The following CDC25B variants were observed in gnomAD, a reference collection of about 807,000 sequenced individuals.
The protein encoded by CDC25B is M-phase inducer phosphatase 2.
CDC25B carries 33 observed loss-of-function variants against 69.8 expected under a neutral mutation model. The ratio of observed to expected loss-of-function variants is 0.47; its 90% confidence interval spans 0.36 to 0.63. CDC25B has a LOEUF of 0.63. Among genes scored for constraint, CDC25B ranks in the 30% least tolerant of loss-of-function variants. CDC25B has a pLI of 0.00. For synonymous variants in CDC25B, 341 were observed against 314.6 expected, an observed-to-expected ratio of 1.08 and a Z score of -0.89; for missense variants, 727 against 809.1, an observed-to-expected ratio of 0.90 and a Z score of 1.23.
At chr20:3,796,216 C>T, upstream of CDC25B, 2 of 1,251,790 alleles carry the variant, frequency 1.6e-6, no homozygotes, top group Non-Finnish European at 2.0e-6. Flanking sequence ...TCAGTCCCGC[C>T]CTCATCTAAC....
rs1196929438 is a variant in CDC25B at position 3,797,697 on chromosome 20, A to T, written c.276A>T (p.Arg92=). The T allele has an allele frequency of 2.5e-6, 4 of 1,613,890 alleles. No homozygotes were observed. The Admixed American group carries it at 5.0e-5, about 20-fold the overall frequency. ...RSRLTHLSLS[R]RASESSLSSE... ...GCCTGACGCACCTATCCCTGTCTCG[A>T]CGGGCATCCGAATCCTCCCTGTCGT... is the stretch of plus-strand genomic sequence containing the variant. Residue 92 remains arginine, a synonymous_variant, in exon 2 of 16, where the codon CGA becomes CGT. Coordinates refer to ENST00000245960, the MANE Select transcript of CDC25B (RefSeq NM_021873.4).
rs778404088 is a variant in CDC25B, at chr20:3,802,880, C to A, written c.1195-30C>A. 12 of 1,585,558 alleles carry A rather than the reference C, an allele frequency of 7.6e-6. No individual in the cohort carries two copies. In the Admixed American group the frequency reaches 8.3e-5, roughly 11 times the overall value. On this transcript the variant is annotated intron_variant, in intron 11 of 15. Transcript: ENST00000245960. ...TGGTCTTACCAATTTAACTTTCTCC[C>A]CTCTCCCTCATCCCTTCCGTTCCCT... is the stretch of plus-strand genomic sequence containing the variant.
intron 5 of CDC25B, 122 bp downstream of exon 5, chr20:3,800,620 G>A (rs1248731208): frequency 6.3e-7 from 1 of 1,584,816 alleles, no homozygotes; most frequent in Non-Finnish European, 8.6e-7. Flanking sequence ...TAGGAGATGG[G>A]GTTTCAGAGG....
chr20:3,786,959 G>A, exon 1 of CDC25B: 1 of 482,440 alleles, frequency 2.1e-6, no homozygotes, highest in Non-Finnish European at 3.6e-6. Context: ...GCGGGGACGC[G>A]GTGCATCGCT....
At position 3,804,946 on chromosome 20, in the gene CDC25B, G is replaced by A. The variant is rs1281414601; in HGVS notation, c.1728G>A (p.Arg576=). Residue 576 remains arginine, a synonymous_variant, in exon 16 of 16, where the codon CGG becomes CGA. Transcript: ENST00000245960. ...GERSRRELCS[R]LQDQ ...GGAGCCGGCGGGAGCTCTGTAGCCG[G>A]CTGCAGGACCAGTGAGGGGCCTGCG... 1.2e-6 allele frequency: 2 copies of A among 1,612,792 alleles called. No individual in the cohort carries two copies. Among genetic ancestry groups the A allele is most frequent in the Non-Finnish European group, 1.7e-6 (2 of 1,179,982 alleles).
chr20:3,796,120 A>C (rs1214168738), upstream of CDC25B: 1 of 1,036,924 alleles, frequency 9.6e-7, no homozygotes, highest in Non-Finnish European at 1.2e-6. Context: ...GGGATGTGCG[A>C]GGGTGTGGGA....
At chr20:3,796,293 A>T, upstream of CDC25B, 1 of 1,356,876 alleles carries the variant, frequency 7.4e-7, no homozygotes, top group African/African-American at 1.6e-5. Context: ...AAGGAGGTGG[A>T]AGTGGCAGCT....
At position 3,800,540 on chromosome 20, in the gene CDC25B, C is replaced by T. The variant is rs11570001; in HGVS notation, c.459+42C>T. The T allele has an allele frequency of 1.7e-4, 278 of 1,609,126 alleles. No homozygotes were observed. The Admixed American group carries it at 4.5e-3, about 26-fold the overall frequency. On this transcript the variant is annotated intron_variant, in intron 5 of 15. Coordinates refer to ENST00000245960, the MANE Select transcript of CDC25B (RefSeq NM_021873.4). ...CCTGACTGAGGCTTAGGCATGCTAG[C>T]CAGGCATGGGGTAGATGAGCAGGAT...
chr20:3,799,443 C>T (rs1341287835), intron 3 of CDC25B, among the ~76,000 whole-genome samples: 2 of 151,976 alleles, frequency 1.3e-5, no homozygotes, highest in Non-Finnish European at 2.9e-5. Context: ...TGGTTCCCTG[C>T]CCTGCACCTG....
At position 3,800,969 on chromosome 20, in the gene CDC25B, A is replaced by T. The variant is rs148769904; in HGVS notation, c.583-2A>T. 6.8e-6 allele frequency: 11 copies of T among 1,613,896 alleles called. No individual in the cohort carries two copies. The African/African-American group carries it at 1.3e-4, about 20-fold the overall frequency. On this transcript the variant is annotated splice_acceptor_variant, in intron 6 of 15. Transcript: ENST00000245960. LOFTEE classifies it high-confidence loss of function. ...GACCCTCCTCTCCCATCTTGGCTGC[A>T]GGATGGATTTGTCTTCAAGATGCCA...
At chr20:3,787,593 G>C (rs2088846637) in intron 1 of CDC25B, among the ~76,000 whole-genome samples, 1 of 152,156 alleles carries the variant, frequency 6.6e-6, no homozygotes, top group South Asian at 2.1e-4. Flanking sequence ...ACATAAGTGT[G>C]AATCCCTGAA....
At position 3,801,706 on chromosome 20, in the gene CDC25B, G is replaced by C; in HGVS notation, c.841-16G>C. The stretch of plus-strand genomic sequence containing the variant: ...GCCTGTGGGTTGTGACCCTGTCCTT[G>C]CTAATCTGGCCTCAGGATGATGATG... On this transcript the variant is annotated splice_polypyrimidine_tract_variant and intron_variant, in intron 8 of 15. Coordinates refer to ENST00000245960, the MANE Select transcript of CDC25B (RefSeq NM_021873.4). The C allele has an allele frequency of 6.3e-7, 1 of 1,581,344 alleles. No individual in the cohort carries two copies. The highest frequency in any genetic ancestry group is 2.2e-5 in the East Asian group (1 of 44,754).
chr20:3,800,937 AT>A (rs1260141505), intron 6 of CDC25B, 33 bp from the exon 7 acceptor site: 1 of 1,612,882 alleles, frequency 6.2e-7, no homozygotes. Context: ...GTTCCCTGGC[AT>A]GTGAGGACCC....
chr20:3,800,655 G>A (rs2089243919), intron 5 of CDC25B, 88 bp from the exon 6 acceptor site: 2 of 1,595,070 alleles, frequency 1.3e-6, no homozygotes, highest in Admixed American at 3.3e-5. Flanking sequence ...GGAGGAGCTG[G>A]AGGAGAGGTG....
At chr20:3,800,630 G>C in intron 5 of CDC25B, 113 bp from the exon 6 acceptor site, 1 of 1,587,310 alleles carries the variant, frequency 6.3e-7, no homozygotes, top group Non-Finnish European at 8.6e-7. Context: ...GGTTTCAGAG[G>C]TAGGTAGGTA....
In CDC25B at chr20:3,803,663, G is replaced by T; in HGVS notation, c.1490+126G>T. On this transcript the variant is annotated intron_variant, in intron 14 of 15. Transcript: ENST00000245960. The surrounding 1 kb of genome is among the most constrained non-coding windows in gnomAD (Gnocchi z 4.9). ...AGGTCCTCCTCTGTCCCATCTGATGGCCTAGAGCTGACCTCAGCCCCACTT... is the reference window on the plus strand; with the variant it reads ...AGGTCCTCCTCTGTCCCATCTGATGTCCTAGAGCTGACCTCAGCCCCACTT... 1.7e-6 allele frequency: 2 copies of T among 1,196,118 alleles called. No individual in the cohort carries two copies. Among genetic ancestry groups the T allele is most frequent in the East Asian group, 2.5e-5 (1 of 40,300 alleles). 74.1% of individuals were successfully genotyped at this position (1,196,118 alleles called of 1,614,324 possible). A position where few individuals can be genotyped will look rare whatever the true frequency, so the allele number is the denominator to read the frequency against.
At position 3,803,640 on chromosome 20, in the gene CDC25B, GTCC is replaced by G. The variant is rs2089370725; in HGVS notation, c.1490+109_1490+111del. ...GAGATGGCCAGGGGTGCAAGTCCAG[GTCC>G]TCCTCTGTCCCATCTGATGGCCTAG... On this transcript the variant is annotated intron_variant, in intron 14 of 15. Coordinates refer to ENST00000245960, the MANE Select transcript of CDC25B (RefSeq NM_021873.4). The surrounding 1 kb of genome is among the most constrained non-coding windows in gnomAD (Gnocchi z 4.9). 7.0e-7 allele frequency: 1 copy of G among 1,418,984 alleles called. No individual in the cohort carries two copies. The highest frequency in any genetic ancestry group is 9.7e-7 in the Non-Finnish European group (1 of 1,028,206). 87.9% of individuals were successfully genotyped at this position (1,418,984 alleles called of 1,614,324 possible).
rs989213011 is a variant in CDC25B, at chr20:3,796,314, G to C, written c.-218G>C. On this transcript the variant is annotated 5_prime_UTR_variant, in exon 1 of 16. Transcript: ENST00000245960. ...GTGGAAGTGGCAGCTGCAACTAGAG[G>C]CTTCCCTGGCTGGTGCCTGAGCCCG... 78 of 1,366,060 alleles carry C rather than the reference G, an allele frequency of 5.7e-5. No individual in the cohort carries two copies. Among genetic ancestry groups the C allele is most frequent in the Non-Finnish European group, 7.1e-5 (76 of 1,067,552 alleles). 84.6% of individuals were successfully genotyped at this position (1,366,060 alleles called of 1,614,324 possible). A position where few individuals can be genotyped will look rare whatever the true frequency, so the allele number is the denominator to read the frequency against.
At chr20:3,802,594 C>T in intron 11 of CDC25B, 1 of 600,654 alleles carries the variant, frequency 1.7e-6, no homozygotes, top group Non-Finnish European at 3.0e-6. Flanking sequence ...TCTGTTGAGT[C>T]TCCGTCTTAT....
Sources: allele counts gnomAD v4.1 joint callset (sites outside exome capture counted in the v4.1 genomes callset), GRCh38; gene constraint gnomAD v4.1.1; non-coding constraint Gnocchi (gnomAD v3.1); transcripts MANE v1.5; gene names NCBI Gene and HGNC (gene_info 2026-07-23, HGNC 2026-07-21).